The following ROBO1 variants were observed in gnomAD, a reference collection of about 807,000 sequenced individuals.
ROBO1 encodes the protein roundabout guidance receptor 1.
In ROBO1, 149 loss-of-function variants were observed where a neutral mutation model predicts 195.9. The ratio of observed to expected loss-of-function variants is 0.76; its 90% CI spans 0.67 to 0.87. The LOEUF (loss-of-function observed/expected upper bound fraction) is 0.87, where lower values mean the gene tolerates loss of function less well. ROBO1 is among the 40% of genes least tolerant of loss of function. The probability of loss-of-function intolerance (pLI) is 0.00; values close to 1 mark genes in which losing one functional copy is unlikely to be tolerated. For missense variants in ROBO1, 1,933 were observed against 2,068.3 expected, an observed-to-expected ratio of 0.93 and a Z score of 1.27; for synonymous variants, 816 against 733.2, an observed-to-expected ratio of 1.11 and a Z score of -1.82.
intron 3 of ROBO1, among the ~76,000 whole-genome samples, chr3:79,034,367 G>GGTCTGCCTGACTTCTGCCACAT (rs2078346987): frequency 6.6e-6 from 1 of 152,118 alleles, no homozygotes; most frequent in Non-Finnish European, 1.5e-5. Context: ...AGGATGGCCT[G>GGTCTGCCTGACTTCTGCCACAT]TTAGTCAGAA....
intron 8 of ROBO1, 143 bp from the exon 9 acceptor site, chr3:78,688,915 T>C: frequency 1.3e-6 from 1 of 798,038 alleles, no homozygotes; most frequent in Non-Finnish European, 1.8e-6. Flanking sequence ...TTCTTGTCCT[T>C]AATTTGAAAC....
intron 8 of ROBO1, chr3:78,693,228 A>C: frequency 3.7e-6 from 5 of 1,345,290 alleles, no homozygotes. Flanking sequence ...GGCCAATGAC[A>C]AGTGAAACAT....
intron 5 of ROBO1, among the ~76,000 whole-genome samples, chr3:78,737,442 TTAAG>T (rs2108228357): frequency 6.6e-6 from 1 of 152,300 alleles, no homozygotes; most frequent in African/African-American, 2.4e-5. Context: ...CTAATAGGTA[TTAAG>T]TGTGTCACCA....
At chr3:79,113,386 GT>G (rs929661530) in intron 3 of ROBO1, among the ~76,000 whole-genome samples, 66 of 146,064 alleles carry the variant, frequency 4.5e-4, no homozygotes, top group African/African-American at 6.5e-4. Context: ...ATTGAGTGAG[GT>G]TTTTTTTTTT....
chr3:79,141,500 C>T (rs2080524869), intron 2 of ROBO1, among the ~76,000 whole-genome samples: 2 of 151,872 alleles, frequency 1.3e-5, no homozygotes, highest in Non-Finnish European at 2.9e-5. Context: ...TCGAGGCTTA[C>T]CCCCGATTCA....
chr3:79,276,234 T>A (rs2031026366), intron 2 of ROBO1, among the ~76,000 whole-genome samples: 1 of 151,866 alleles, frequency 6.6e-6, no homozygotes, highest in African/African-American at 2.4e-5. Flanking sequence ...ACTACAGAGG[T>A]AGAGTAACTA....
chr3:78,608,560 G>A (rs1212401348), intron 28 of ROBO1, among the ~76,000 whole-genome samples: 1 of 152,158 alleles, frequency 6.6e-6, no homozygotes, highest in Admixed American at 6.5e-5. Flanking sequence ...TGGTAATTTA[G>A]TAGAAGAATA....
rs572910918 is a variant in ROBO1 at position 79,094,164 on chromosome 3, C to CT, written c.172+31291dup. On this transcript the variant is annotated intron_variant, in intron 3 of 30. Coordinates refer to ENST00000464233, the MANE Select transcript of ROBO1 (RefSeq NM_002941.4). ...TTACGTAAGTAAGAAATAAACAATC[C>CT]TGTTATAAGCTAAAGAGTTATGGGA... Among the ~76,000 whole-genome samples, 276 of 152,152 alleles carry CT rather than the reference C, an allele frequency of 1.8e-3. 1 individual carries two copies. Among genetic ancestry groups the CT allele is most frequent in the African/African-American group, 6.3e-3 (260 of 41,538 alleles).
chr3:79,731,782 A>G (rs1263888092), intron 1 of ROBO1, among the ~76,000 whole-genome samples: 1 of 152,160 alleles, frequency 6.6e-6, no homozygotes, highest in Non-Finnish European at 1.5e-5. Flanking sequence ...GATTTTCAAA[A>G]TGTGTTTTGT....
intron 2 of ROBO1, among the ~76,000 whole-genome samples, chr3:79,159,192 A>C (rs2108658831): frequency 6.6e-6 from 1 of 152,128 alleles, no homozygotes; most frequent in Non-Finnish European, 1.5e-5. Flanking sequence ...TTTGGCCTCT[A>C]TCAACCCTGG....
chr3:79,711,392 C>T (rs1702269994), intron 1 of ROBO1, among the ~76,000 whole-genome samples: 1 of 152,134 alleles, frequency 6.6e-6, no homozygotes, highest in Non-Finnish European at 1.5e-5. Flanking sequence ...ATTATTATTA[C>T]ACACAGAGAT....
intron 5 of ROBO1, among the ~76,000 whole-genome samples, chr3:78,734,545 A>G (rs2082351308): frequency 6.6e-6 from 1 of 151,854 alleles, no homozygotes; most frequent in Non-Finnish European, 1.5e-5. Flanking sequence ...TGGACGACAG[A>G]GAGATACCCT....
intron 2 of ROBO1, among the ~76,000 whole-genome samples, chr3:79,565,421 A>T (rs938978832): frequency 9.2e-5 from 14 of 152,046 alleles, no homozygotes; most frequent in Non-Finnish European, 1.6e-4. Flanking sequence ...AAAGTACATT[A>T]AGAAATTAAA....
chr3:79,027,667 C>T (rs1247245035), intron 3 of ROBO1, among the ~76,000 whole-genome samples: 1 of 152,066 alleles, frequency 6.6e-6, no homozygotes, highest in African/African-American at 2.4e-5. Context: ...AGTTTAATCA[C>T]TCCTCTCTGA....
chr3:79,373,476 T>A (rs1443394786), intron 2 of ROBO1, among the ~76,000 whole-genome samples: 1 of 152,206 alleles, frequency 6.6e-6, no homozygotes, highest in Non-Finnish European at 1.5e-5. Context: ...ACTTCACAAA[T>A]GTTTCTCTAT....
At chr3:79,279,465 T>C (rs2031336697) in intron 2 of ROBO1, among the ~76,000 whole-genome samples, 1 of 152,088 alleles carries the variant, frequency 6.6e-6, no homozygotes, top group Non-Finnish European at 1.5e-5. Context: ...ATTTTAAAAA[T>C]AGCAAATGGT....
At chr3:79,327,163 G>C (rs914197411) in intron 2 of ROBO1, among the ~76,000 whole-genome samples, 1 of 152,014 alleles carries the variant, frequency 6.6e-6, no homozygotes, top group African/African-American at 2.4e-5. Flanking sequence ...AAGCATTTTA[G>C]AATTTCAGGA....
chr3:78,851,928 AT>A (rs965483143), intron 4 of ROBO1, among the ~76,000 whole-genome samples: 11 of 152,016 alleles, frequency 7.2e-5, no homozygotes, highest in South Asian at 4.1e-4. Context: ...AAATTGAGTG[AT>A]TTTTTTTAGG....
In ROBO1 at chr3:79,205,545, T is replaced by C. The variant is rs141614594; in HGVS notation, c.89-80006A>G. ...GTTGAATAGATACCCAGAAGTAGAC[T>C]CTATTTCTTTTTTCTGGTTATAGCC... On this transcript the variant is annotated intron_variant, in intron 2 of 30. Coordinates refer to ENST00000464233, the MANE Select transcript of ROBO1 (RefSeq NM_002941.4). Among the ~76,000 whole-genome samples the C allele has an allele frequency of 9.9e-5, 15 of 152,254 alleles. No homozygotes were observed. In the East Asian group the frequency reaches 2.9e-3, roughly 29 times the overall value.
Sources: allele counts gnomAD v4.1 joint callset (sites outside exome capture counted in the v4.1 genomes callset), GRCh38; gene constraint gnomAD v4.1.1; transcripts MANE v1.5; gene names NCBI Gene and HGNC (gene_info 2026-07-23, HGNC 2026-07-21).